CACNA2D3: variants seen among roughly 807,000 people sequenced by gnomAD.
CACNA2D3 encodes the protein voltage-dependent calcium channel subunit alpha-2/delta-3.
In CACNA2D3, 60 loss-of-function variants were observed where a neutral mutation model predicts 160.6. The observed-to-expected ratio is 0.37, with a 90% confidence interval of 0.30 to 0.46. The LOEUF (loss-of-function observed/expected upper bound fraction) is 0.46, where lower values mean the gene tolerates loss of function less well. CACNA2D3 is among the 20% of genes least tolerant of loss of function. The probability of loss-of-function intolerance (pLI) is 1.00; values close to 1 mark genes in which losing one functional copy is unlikely to be tolerated. For missense variants in CACNA2D3, 1,205 were observed against 1,365.0 expected (o/e 0.88, Z 1.85); for synonymous variants, 558 against 492.9 (o/e 1.13, Z -1.75).
intron 17 of CACNA2D3, among the ~76,000 whole-genome samples, chr3:54,859,426 T>C (rs1699237155): frequency 6.6e-6 from 1 of 151,978 alleles, no homozygotes; most frequent in African/African-American, 2.4e-5. Flanking sequence ...TCTGTGGAGG[T>C]TGCTAGGCAA....
chr3:54,828,289 G>A (rs1703787898), intron 14 of CACNA2D3, among the ~76,000 whole-genome samples: 1 of 152,114 alleles, frequency 6.6e-6, no homozygotes, highest in African/African-American at 2.4e-5. Flanking sequence ...CATAAATATT[G>A]ACCAAAATCC....
intron 29 of CACNA2D3, among the ~76,000 whole-genome samples, chr3:54,981,000 C>T (rs1702494460): frequency 6.6e-6 from 1 of 152,160 alleles, no homozygotes; most frequent in African/African-American, 2.4e-5. Flanking sequence ...TGAATCAAAG[C>T]TCTTTTATAT....
intron 9 of CACNA2D3, among the ~76,000 whole-genome samples, chr3:54,610,041 G>A (rs1294259127): frequency 6.6e-6 from 1 of 151,996 alleles, no homozygotes; most frequent in East Asian, 1.9e-4. Context: ...ATCGATCCTT[G>A]GCCTTCCTTG....
intron 9 of CACNA2D3, among the ~76,000 whole-genome samples, chr3:54,590,871 G>A (rs752418759): frequency 1.2e-4 from 18 of 152,268 alleles, no homozygotes; most frequent in South Asian, 4.1e-4. Flanking sequence ...TAGTGTGAAC[G>A]GTTGTATAAT....
chr3:54,239,062 T>A (rs1701932504), intron 2 of CACNA2D3, among the ~76,000 whole-genome samples: 1 of 152,244 alleles, frequency 6.6e-6, no homozygotes, highest in Non-Finnish European at 1.5e-5. Flanking sequence ...AAAATATTAT[T>A]ATTTCATATG....
intron 2 of CACNA2D3, among the ~76,000 whole-genome samples, chr3:54,306,574 T>G (rs748729935): frequency 6.6e-6 from 1 of 151,952 alleles, no homozygotes; most frequent in Non-Finnish European, 1.5e-5. Context: ...GAACTGTGAG[T>G]GGTGAGAAGG....
Position 54,870,372 on chromosome 3 carries a change from T to C in CACNA2D3, c.1627-1167T>C, listed in dbSNP as rs143440913. On this transcript the variant is annotated intron_variant, in intron 17 of 37. Transcript: ENST00000474759. ...CACTTAGACTGACCCTGCATCTCAC[T>C]TAGAACCTTCCAGTTAAATCAAAAG... Among the ~76,000 whole-genome samples, 1,187 of 152,256 alleles carry C rather than the reference T, an allele frequency of 7.8e-3. 14 individuals carry two copies. The highest frequency in any genetic ancestry group is 0.027 in the African/African-American group (1,130 of 41,532).
chr3:54,478,991 C>T (rs1264026114), intron 4 of CACNA2D3, among the ~76,000 whole-genome samples: 2 of 151,632 alleles, frequency 1.3e-5, no homozygotes, highest in Non-Finnish European at 2.9e-5. Context: ...GCTATATCCC[C>T]ACCCAGATCT....
chr3:54,578,671 G>A (rs574063925), intron 8 of CACNA2D3, among the ~76,000 whole-genome samples: 1 of 152,374 alleles, frequency 6.6e-6, no homozygotes, highest in East Asian at 1.9e-4. Context: ...TCAACTGCAA[G>A]CTTGGATGAT....
chr3:54,742,155 A>T (rs1701663283), intron 11 of CACNA2D3, among the ~76,000 whole-genome samples: 2 of 152,200 alleles, frequency 1.3e-5, no homozygotes, highest in South Asian at 4.1e-4. Flanking sequence ...GCGGTGGCTC[A>T]TGCCTATAAT....
At chr3:54,497,414 C>T (rs1364322410) in intron 4 of CACNA2D3, among the ~76,000 whole-genome samples, 4 of 151,786 alleles carry the variant, frequency 2.6e-5, no homozygotes, top group Non-Finnish European at 5.9e-5. Context: ...GTTCAATTTC[C>T]AACTGTTTTG....
At chr3:54,635,183 A>AT (rs900170503) in intron 10 of CACNA2D3, among the ~76,000 whole-genome samples, 2 of 151,972 alleles carry the variant, frequency 1.3e-5, no homozygotes, top group African/African-American at 4.8e-5. Flanking sequence ...GATGGCCTGG[A>AT]TACGGTTTTG....
chr3:54,940,978 T>G (rs1701451450), intron 27 of CACNA2D3, among the ~76,000 whole-genome samples: 1 of 152,196 alleles, frequency 6.6e-6, no homozygotes, highest in Non-Finnish European at 1.5e-5. Context: ...GGAGATTATT[T>G]CATAGATTTA....
intron 2 of CACNA2D3, among the ~76,000 whole-genome samples, chr3:54,189,728 A>G (rs1190596113): frequency 6.6e-6 from 1 of 152,122 alleles, no homozygotes; most frequent in Non-Finnish European, 1.5e-5. Context: ...TGGATTGGGC[A>G]CCATTCACCA....
At chr3:54,454,507 CAT>C (rs1487532863) in intron 4 of CACNA2D3, among the ~76,000 whole-genome samples, 1 of 151,880 alleles carries the variant, frequency 6.6e-6, no homozygotes, top group African/African-American at 2.4e-5. Context: ...TAGGGGGTAC[CAT>C]GTGATGTTTC....
At chr3:54,385,890 T>G (rs186647479) in intron 3 of CACNA2D3, 34 of 500,646 alleles carry the variant, frequency 6.8e-5, no homozygotes, top group African/African-American at 6.0e-4. Context: ...GCTTTTAGTT[T>G]GATATAATTT....
At chr3:54,691,983 C>T (rs955555285) in intron 11 of CACNA2D3, among the ~76,000 whole-genome samples, 3 of 146,590 alleles carry the variant, frequency 2.0e-5, no homozygotes, top group African/African-American at 7.4e-5. Flanking sequence ...TAATTTCTTT[C>T]TTCCTTTTTT....
intron 11 of CACNA2D3, among the ~76,000 whole-genome samples, chr3:54,709,596 A>C (rs866352976): frequency 6.6e-6 from 1 of 152,116 alleles, no homozygotes; most frequent in Non-Finnish European, 1.5e-5. Context: ...TCCTGGACTC[A>C]AGTGATCCTT....
intron 5 of CACNA2D3, among the ~76,000 whole-genome samples, chr3:54,527,035 C>G (rs531069581): frequency 6.6e-6 from 1 of 152,250 alleles, no homozygotes; most frequent in Non-Finnish European, 1.5e-5. Flanking sequence ...TTTTTTAAAC[C>G]ATGCCGTGGG....
Sources: gnomAD v4.1 joint callset for allele counts (sites outside exome capture counted in the v4.1 genomes callset) on GRCh38, gnomAD v4.1.1 for gene constraint, MANE v1.5 for transcripts, NCBI Gene and HGNC (gene_info 2026-07-23, HGNC 2026-07-21) for gene names.